Variants in GPC5 observed in about 807,000 individuals in gnomAD.
The protein encoded by GPC5 is glypican 5, also known as glypican-5.
Under a neutral mutation model 53.9 loss-of-function variants are expected in GPC5, and 47 were observed. The ratio of observed to expected loss-of-function variants is 0.87; its 90% CI spans 0.69 to 1.11. The LOEUF (loss-of-function observed/expected upper bound fraction) is 1.11. Among genes scored for constraint, GPC5 ranks in the 50% most tolerant of loss-of-function variants. The pLI is 0.00. For synonymous variants in GPC5, 286 were observed against 263.3 expected (o/e 1.09, Z -0.84); for missense variants, 748 against 713.1 (o/e 1.05, Z -0.56).
intron 7 of GPC5, among the ~76,000 whole-genome samples, chr13:92,806,296 C>T (rs1877097699): frequency 6.6e-6 from 1 of 152,078 alleles, no homozygotes; most frequent in Non-Finnish European, 1.5e-5. Flanking sequence ...AATTTAAAAG[C>T]ATTAAGGCCT....
chr13:92,459,541 CCT>C (rs1372038816), intron 7 of GPC5, among the ~76,000 whole-genome samples: 2 of 152,140 alleles, frequency 1.3e-5, no homozygotes, highest in Non-Finnish European at 2.9e-5. Flanking sequence ...CAAATTTTCC[CCT>C]GACAGCTGGA....
intron 6 of GPC5, among the ~76,000 whole-genome samples, chr13:92,107,211 T>C (rs1173876325): frequency 2.6e-5 from 4 of 152,090 alleles, no homozygotes; most frequent in Non-Finnish European, 5.9e-5. Flanking sequence ...TTACCAACTT[T>C]GCTTAGTTTT....
rs373296062 is a variant in GPC5, at chr13:92,866,297, T to C, written c.1577T>C (p.Met526Thr). 296 of 1,610,494 alleles carry C rather than the reference T, an allele frequency of 1.8e-4. 3 individuals are homozygous for C. In the South Asian group the frequency reaches 2.7e-3, roughly 15 times the overall value. ...GCCTCTACAGGGATGCCAGATGATA[T>C]GAACTTCAGTGATGTAAAGCAAATC... ...LKITDWMPDD[M>T]NFSDVKQIHQ... Residue 526 changes from methionine to threonine, a missense_variant, in exon 8 of 8, where the codon ATG (methionine) becomes ACG (threonine). Transcript: ENST00000377067.
At chr13:91,677,029 T>C (rs1378435194) in intron 2 of GPC5, among the ~76,000 whole-genome samples, 2 of 152,058 alleles carry the variant, frequency 1.3e-5, no homozygotes, top group Non-Finnish European at 2.9e-5. Context: ...AAATTGAAAA[T>C]AGAAAAGCAA....
chr13:92,274,160 T>C (rs760739178), intron 7 of GPC5, among the ~76,000 whole-genome samples: 2 of 152,204 alleles, frequency 1.3e-5, no homozygotes, highest in Non-Finnish European at 2.9e-5. Flanking sequence ...ACTGATTTCA[T>C]ATTGCCCTTA....
At chr13:92,619,041 G>T (rs1450496987) in intron 7 of GPC5, among the ~76,000 whole-genome samples, 5 of 151,856 alleles carry the variant, frequency 3.3e-5, no homozygotes, top group Admixed American at 1.3e-4. Context: ...AAAAGTAATT[G>T]CAGAATAATG....
chr13:92,579,098 C>T (rs1456041245), intron 7 of GPC5, among the ~76,000 whole-genome samples: 1 of 152,100 alleles, frequency 6.6e-6, no homozygotes, highest in African/African-American at 2.4e-5. Context: ...TAATATTCTT[C>T]AATCACCCAC....
intron 3 of GPC5, among the ~76,000 whole-genome samples, chr13:91,718,756 A>G (rs1296837974): frequency 6.6e-6 from 1 of 152,038 alleles, no homozygotes; most frequent in African/African-American, 2.4e-5. Context: ...CTAATTATTC[A>G]GGGTTTATCT....
At chr13:92,833,361 T>A (rs573084929) in intron 7 of GPC5, among the ~76,000 whole-genome samples, 25 of 152,308 alleles carry the variant, frequency 1.6e-4, no homozygotes, top group Middle Eastern at 3.4e-3. Flanking sequence ...AGATTTCAGA[T>A]AAACAAATTG....
intron 6 of GPC5, among the ~76,000 whole-genome samples, chr13:91,957,045 G>T (rs2040079774): frequency 6.6e-6 from 1 of 151,996 alleles, no homozygotes; most frequent in Non-Finnish European, 1.5e-5. Context: ...ACAGTGAGAT[G>T]CAAGAGAACA....
chr13:92,811,795 G>T (rs1877309740), intron 7 of GPC5, among the ~76,000 whole-genome samples: 1 of 151,984 alleles, frequency 6.6e-6, no homozygotes, highest in South Asian at 2.1e-4. Flanking sequence ...CGTATGAGAT[G>T]AATGTTCAAC....
At chr13:92,825,866 T>C (rs1242586162) in intron 7 of GPC5, among the ~76,000 whole-genome samples, 1 of 152,148 alleles carries the variant, frequency 6.6e-6, no homozygotes, top group African/African-American at 2.4e-5. Context: ...CAATGCTGTG[T>C]TTTTCATACT....
chr13:91,630,784 G>A (rs985898102), intron 2 of GPC5, among the ~76,000 whole-genome samples: 2 of 152,060 alleles, frequency 1.3e-5, no homozygotes, highest in African/African-American at 4.8e-5. Flanking sequence ...CTTTTCTTCT[G>A]GGGAAAATGT....
intron 3 of GPC5, among the ~76,000 whole-genome samples, chr13:91,695,868 T>G (rs761597527): frequency 1.3e-5 from 2 of 152,220 alleles, no homozygotes; most frequent in Non-Finnish European, 2.9e-5. Context: ...CTGAAGGGCC[T>G]TTTTGTGTCC....
intron 2 of GPC5, among the ~76,000 whole-genome samples, chr13:91,566,931 C>CT (rs372108616): frequency 0.014 from 2,024 of 140,766 alleles, 40 homozygotes; most frequent in East Asian, 0.044. Context: ...TCTTCCAATT[C>CT]TTTTTTTTTT....
rs9589269 is a variant in GPC5, at chr13:91,511,191, A to T, written c.325+62269A>T. 6.5e-3 allele frequency among the ~76,000 whole-genome samples: 995 copies of T among 152,292 alleles called. 10 individuals carry two copies. Among genetic ancestry groups the T allele is most frequent in the African/African-American group, 0.023 (965 of 41,570 alleles). ...TTCTTTTTCCCTCTTCGGTACTTTA[A>T]AGATGCCTTTCTATTGTTTTCTGGC... On this transcript the variant is annotated intron_variant, in intron 2 of 7. Transcript: ENST00000377067.
intron 7 of GPC5, among the ~76,000 whole-genome samples, chr13:92,263,558 C>A (rs2042780847): frequency 6.6e-6 from 1 of 152,032 alleles, no homozygotes; most frequent in South Asian, 2.1e-4. Flanking sequence ...GTCCTGTCTT[C>A]CAGGAAGTAT....
At chr13:91,488,536 G>T (rs572213546) in intron 2 of GPC5, among the ~76,000 whole-genome samples, 1 of 152,204 alleles carries the variant, frequency 6.6e-6, no homozygotes, top group African/African-American at 2.4e-5. Flanking sequence ...AATTTCTTAT[G>T]CCTGTCATTA....
At chr13:92,696,675 T>C (rs956119051) in intron 7 of GPC5, among the ~76,000 whole-genome samples, 4 of 152,232 alleles carry the variant, frequency 2.6e-5, no homozygotes, top group African/African-American at 4.8e-5. Context: ...AAAGTTTCTT[T>C]TGCTGTGAAG....
Sources: allele counts gnomAD v4.1 joint callset (sites outside exome capture counted in the v4.1 genomes callset), GRCh38; gene constraint gnomAD v4.1.1; transcripts MANE v1.5; gene names NCBI Gene and HGNC (gene_info 2026-07-23, HGNC 2026-07-21).